CNTN1: variants seen among roughly 807,000 people sequenced by gnomAD.
CNTN1 encodes contactin-1.
A neutral mutation model predicts 126.4 loss-of-function variants in CNTN1; 38 were observed. That is an observed-to-expected ratio of 0.30 (90% CI 0.23 to 0.39). The LOEUF is 0.39. CNTN1 is among the 10% of genes least tolerant of loss of function. CNTN1 has a pLI of 1.00. For missense variants in CNTN1, 1,009 were observed against 1,248.4 expected (o/e 0.81, Z 2.89); for synonymous variants, 413 against 422.6 (o/e 0.98, Z 0.28).
chr12:40,824,029 T>G (rs1941533360), intron 1 of CNTN1, among the ~76,000 whole-genome samples: 1 of 152,130 alleles, frequency 6.6e-6, no homozygotes, highest in East Asian at 1.9e-4. Context: ...CCCTTGCCCC[T>G]GCTTATGGCA....
intron 6 of CNTN1, among the ~76,000 whole-genome samples, chr12:40,927,151 G>A (rs192054402): frequency 1.5e-4 from 23 of 152,110 alleles, no homozygotes; most frequent in African/African-American, 2.2e-4. Flanking sequence ...TATATCTACC[G>A]ATAAAAGCAA....
chr12:40,955,762 A>ATAGT (rs1341547694), intron 14 of CNTN1, among the ~76,000 whole-genome samples: 2 of 152,140 alleles, frequency 1.3e-5, no homozygotes, highest in Non-Finnish European at 2.9e-5. Flanking sequence ...GTAGAAAGGA[A>ATAGT]TAGTTACAAT....
chr12:40,846,950 C>T lies in CNTN1; in HGVS notation c.-76-61407C>T, dbSNP rs548006559. ...TGGTGCGATCTCGGCTCACTGCATC[C>T]TCCGCCTCCCAGGTTCAAATGATTC... On this transcript the variant is annotated intron_variant, in intron 1 of 23. Coordinates refer to ENST00000551295, the MANE Select transcript of CNTN1 (RefSeq NM_001843.4). 2.8e-4 allele frequency among the ~76,000 whole-genome samples: 42 copies of T among 152,254 alleles called. 1 individual carries two copies. The South Asian group carries it at 6.2e-3, about 23-fold the overall frequency.
chr12:40,981,871 C>G (rs1174519134), intron 16 of CNTN1, among the ~76,000 whole-genome samples: 2 of 151,538 alleles, frequency 1.3e-5, no homozygotes, highest in Non-Finnish European at 2.9e-5. Context: ...AAATATTTTC[C>G]CAGTTGTCAC....
intron 1 of CNTN1, among the ~76,000 whole-genome samples, chr12:40,894,535 A>C (rs544255336): frequency 2.9e-4 from 44 of 152,298 alleles, no homozygotes; most frequent in African/African-American, 1.0e-3. Context: ...TTTAAGTCTA[A>C]AACTGTTCTG....
intron 1 of CNTN1, among the ~76,000 whole-genome samples, chr12:40,814,205 A>G (rs150489001): frequency 5.3e-5 from 8 of 152,182 alleles, no homozygotes; most frequent in African/African-American, 1.9e-4. Flanking sequence ...GTTTAATTAG[A>G]TCCCATTTGT....
chr12:40,990,797 C>G (rs1366101672), intron 16 of CNTN1, among the ~76,000 whole-genome samples: 1 of 152,188 alleles, frequency 6.6e-6, no homozygotes, highest in African/African-American at 2.4e-5. Context: ...CCAGTGTAGC[C>G]TTGACTATCA....
intron 10 of CNTN1, 102 bp from the exon 11 acceptor site, chr12:40,937,468 G>A (rs1946119542): frequency 7.4e-6 from 6 of 805,602 alleles, no homozygotes; most frequent in South Asian, 1.4e-5. Flanking sequence ...GGGGGCAGAT[G>A]AACATAATGT....
At position 40,927,272 on chromosome 12, in the gene CNTN1, A is replaced by G. The variant is rs549921914; in HGVS notation, c.497-2524A>G. On this transcript the variant is annotated intron_variant, in intron 6 of 23. Coordinates refer to ENST00000551295, the MANE Select transcript of CNTN1 (RefSeq NM_001843.4). Reference sequence around the variant, plus strand: ...CAGATAGCTTTTGCAAAGATGATTGATTTTATCATCTGTGTGGGGCTAGGA... The same window carrying G: ...CAGATAGCTTTTGCAAAGATGATTGGTTTTATCATCTGTGTGGGGCTAGGA... Among the ~76,000 whole-genome samples the G allele has an allele frequency of 3.2e-4, 49 of 152,150 alleles. 1 individual carries two copies. The South Asian group carries it at 1.0e-2, about 31-fold the overall frequency.
At chr12:41,050,232 A>G (rs1949641290) in intron 23 of CNTN1, among the ~76,000 whole-genome samples, 1 of 152,154 alleles carries the variant, frequency 6.6e-6, no homozygotes, top group East Asian at 1.9e-4. Flanking sequence ...AAATTTATGT[A>G]TGTTTTTATT....
chr12:40,978,072 G>T (rs1592354250), intron 15 of CNTN1, among the ~76,000 whole-genome samples: 2 of 152,048 alleles, frequency 1.3e-5, no homozygotes, highest in East Asian at 3.9e-4. Context: ...AAAGTGCTGG[G>T]ATTATAGACG....
chr12:40,830,279 G>A (rs921232628), intron 1 of CNTN1, among the ~76,000 whole-genome samples: 4 of 152,032 alleles, frequency 2.6e-5, no homozygotes, highest in African/African-American at 9.7e-5. Flanking sequence ...TATCAATTGG[G>A]AGGAACCAAC....
At chr12:40,856,177 A>G (rs555208988) in intron 1 of CNTN1, among the ~76,000 whole-genome samples, 1 of 152,238 alleles carries the variant, frequency 6.6e-6, no homozygotes, top group South Asian at 2.1e-4. Context: ...ATTATCTAAA[A>G]TCTTTTTCCA....
intron 23 of CNTN1, among the ~76,000 whole-genome samples, chr12:41,034,403 T>G (rs34180877): frequency 0.05 from 7,664 of 152,296 alleles, 223 homozygotes; most frequent in Middle Eastern, 0.12. Flanking sequence ...AACTATTTTT[T>G]GGGTAGAACT....
intron 1 of CNTN1, among the ~76,000 whole-genome samples, chr12:40,807,012 C>CAT (rs1208272918): frequency 2.0e-5 from 3 of 152,014 alleles, no homozygotes; most frequent in Non-Finnish European, 4.4e-5. Context: ...GACTATCAGT[C>CAT]ATATTGATGT....
At chr12:41,062,148 G>A (rs1051924779) in intron 23 of CNTN1, among the ~76,000 whole-genome samples, 1 of 152,098 alleles carries the variant, frequency 6.6e-6, no homozygotes, top group Non-Finnish European at 1.5e-5. Flanking sequence ...CAATTAGTGT[G>A]ACTATCCATT....
intron 1 of CNTN1, among the ~76,000 whole-genome samples, chr12:40,884,035 T>TGCCAC (rs1943953543): frequency 1.3e-5 from 2 of 151,508 alleles, no homozygotes; most frequent in Non-Finnish European, 3.0e-5. Context: ...AGAGAAATAA[T>TGCCAC]CATGCTTTGG....
At chr12:40,809,958 C>T (rs1940996516) in intron 1 of CNTN1, among the ~76,000 whole-genome samples, 1 of 152,090 alleles carries the variant, frequency 6.6e-6, no homozygotes, top group African/African-American at 2.4e-5. Context: ...TGTTAGTCGT[C>T]AGGATAGTGG....
chr12:41,066,603 A>G (rs1403405742), intron 23 of CNTN1, among the ~76,000 whole-genome samples: 1 of 152,202 alleles, frequency 6.6e-6, no homozygotes, highest in Non-Finnish European at 1.5e-5. Context: ...ACAAAGAGAA[A>G]ATTCTAAATG....
Sources: gnomAD v4.1 joint callset for allele counts (sites outside exome capture counted in the v4.1 genomes callset) on GRCh38, gnomAD v4.1.1 for gene constraint, MANE v1.5 for transcripts, NCBI Gene and HGNC (gene_info 2026-07-23, HGNC 2026-07-21) for gene names.